FBXL7: variants seen among roughly 807,000 people sequenced by gnomAD.
FBXL7 encodes the protein F-box/LRR-repeat protein 7.
A neutral mutation model predicts 38.3 loss-of-function variants in FBXL7; 12 were observed. The observed-to-expected ratio is 0.31, with a 90% CI of 0.20 to 0.51. FBXL7 has a LOEUF of 0.51. Among genes scored for constraint, FBXL7 ranks in the 20% least tolerant of loss-of-function variants. The pLI, the probability that FBXL7 is intolerant of heterozygous loss-of-function variation, is 0.98. For synonymous variants in FBXL7, 297 were observed against 300.9 expected (o/e 0.99, Z 0.13); for missense variants, 567 against 676.4 (o/e 0.84, Z 1.79).
chr5:15,576,888 G>A (rs1401343261), intron 1 of FBXL7, among the ~76,000 whole-genome samples: 1 of 152,142 alleles, frequency 6.6e-6, no homozygotes, highest in Non-Finnish European at 1.5e-5. Flanking sequence ...TTTTGTAGCT[G>A]CTCTAAGAGA....
At chr5:15,876,402 TA>T (rs1010750697) in intron 2 of FBXL7, among the ~76,000 whole-genome samples, 315 of 147,754 alleles carry the variant, frequency 2.1e-3, no homozygotes, top group African/African-American at 5.6e-3. Flanking sequence ...GTATAATAAT[TA>T]AAAAAAAAAG....
chr5:15,547,324 C>A (rs1737941023), intron 1 of FBXL7, among the ~76,000 whole-genome samples: 1 of 152,200 alleles, frequency 6.6e-6, no homozygotes, highest in African/African-American at 2.4e-5. Flanking sequence ...TCTTAGCAGA[C>A]AACTGAGCTG....
At chr5:15,775,496 C>T (rs140010538) in intron 2 of FBXL7, among the ~76,000 whole-genome samples, 2 of 152,126 alleles carry the variant, frequency 1.3e-5, no homozygotes, top group East Asian at 1.9e-4. Flanking sequence ...GAAACACAGA[C>T]CATACTTTTG....
chr5:15,778,830 G>A (rs374650927), intron 2 of FBXL7, among the ~76,000 whole-genome samples: 48 of 152,172 alleles, frequency 3.2e-4, no homozygotes, highest in African/African-American at 1.1e-3. Context: ...ACATTAGCTG[G>A]AAATAAAAAA....
chr5:15,847,748 A>T (rs1472777804), intron 2 of FBXL7, among the ~76,000 whole-genome samples: 1 of 152,188 alleles, frequency 6.6e-6, no homozygotes, highest in Non-Finnish European at 1.5e-5. Flanking sequence ...AGCCCTCAGA[A>T]GAGAGACTAG....
At chr5:15,734,609 T>A (rs1056325374) in intron 2 of FBXL7, among the ~76,000 whole-genome samples, 2 of 152,232 alleles carry the variant, frequency 1.3e-5, no homozygotes, top group African/African-American at 4.8e-5. Flanking sequence ...TCTTCCATCC[T>A]TCCTTCCTTT....
chr5:15,513,059 G>A (rs1736844332), intron 1 of FBXL7, among the ~76,000 whole-genome samples: 1 of 152,094 alleles, frequency 6.6e-6, no homozygotes. Flanking sequence ...AAAATATTGT[G>A]TGTATCTGGT....
At chr5:15,731,814 G>T (rs1185993151) in intron 2 of FBXL7, among the ~76,000 whole-genome samples, 1 of 152,128 alleles carries the variant, frequency 6.6e-6, no homozygotes, top group Non-Finnish European at 1.5e-5. Flanking sequence ...GGTAGAGGAG[G>T]CTGTGTTCGG....
At chr5:15,575,453 T>C (rs1356818536) in intron 1 of FBXL7, among the ~76,000 whole-genome samples, 1 of 152,234 alleles carries the variant, frequency 6.6e-6, no homozygotes, top group Non-Finnish European at 1.5e-5. Flanking sequence ...TTTTTGGTTA[T>C]AATAGCTTTC....
chr5:15,756,103 C>G (rs1023292169), intron 2 of FBXL7, among the ~76,000 whole-genome samples: 21 of 152,274 alleles, frequency 1.4e-4, no homozygotes, highest in Non-Finnish European at 2.5e-4. Context: ...TAGGATTAGC[C>G]TGAAAGCAGT....
Position 15,921,252 on chromosome 5 carries a change from G to A in FBXL7, c.128-6638G>A, listed in dbSNP as rs372746484. 1.1e-4 allele frequency among the ~76,000 whole-genome samples: 16 copies of A among 151,956 alleles called. No individual in the cohort carries two copies. The East Asian group carries it at 2.5e-3, about 24-fold the overall frequency. ...AAAGATTAGCCAGGTGTGGTGGTGTGCGCCTGTAGTCCCGGCTGCTCAGGA... is the reference window on the plus strand; with the variant it reads ...AAAGATTAGCCAGGTGTGGTGGTGTACGCCTGTAGTCCCGGCTGCTCAGGA... On this transcript the variant is annotated intron_variant, in intron 2 of 3. Coordinates refer to ENST00000504595, the MANE Select transcript of FBXL7 (RefSeq NM_012304.5).
At chr5:15,502,182 G>T (rs1238470263) in intron 1 of FBXL7, among the ~76,000 whole-genome samples, 1 of 152,042 alleles carries the variant, frequency 6.6e-6, no homozygotes, top group Non-Finnish European at 1.5e-5. Context: ...AACACTGTCG[G>T]GGGGAGAAAG....
chr5:15,892,031 C>T (rs545596841), intron 2 of FBXL7, among the ~76,000 whole-genome samples: 17 of 152,360 alleles, frequency 1.1e-4, no homozygotes, highest in African/African-American at 3.6e-4. Context: ...CTCCTGCTCA[C>T]CAGCCTCCTG....
At chr5:15,697,431 G>A (rs185732376) in intron 2 of FBXL7, among the ~76,000 whole-genome samples, 22 of 152,188 alleles carry the variant, frequency 1.4e-4, no homozygotes, top group African/African-American at 3.4e-4. Context: ...CAAAAATTAC[G>A]TTTAATTTTG....
intron 2 of FBXL7, among the ~76,000 whole-genome samples, chr5:15,875,695 C>A (rs895414423): frequency 1.3e-5 from 2 of 152,154 alleles, no homozygotes; most frequent in Non-Finnish European, 2.9e-5. Flanking sequence ...ATCAAAACCA[C>A]AATGAAATAC....
At chr5:15,690,777 C>T (rs1318284039) in intron 2 of FBXL7, among the ~76,000 whole-genome samples, 4 of 152,034 alleles carry the variant, frequency 2.6e-5, no homozygotes, top group African/African-American at 9.7e-5. Context: ...TGATGGTTAC[C>T]AGAGGCTGGG....
At chr5:15,777,745 AAGT>A (rs1305248551) in intron 2 of FBXL7, among the ~76,000 whole-genome samples, 6 of 148,030 alleles carry the variant, frequency 4.1e-5, no homozygotes, top group African/African-American at 4.9e-5. Context: ...AAAAAAAAAA[AAGT>A]AAATTCCAGT....
intron 1 of FBXL7, among the ~76,000 whole-genome samples, chr5:15,514,391 C>T (rs1374484254): frequency 6.6e-6 from 1 of 152,082 alleles, no homozygotes; most frequent in Admixed American, 6.6e-5. Context: ...TGATGCCCCT[C>T]CCCCATTAGG....
chr5:15,764,088 C>T (rs1392295863), intron 2 of FBXL7, among the ~76,000 whole-genome samples: 1 of 152,124 alleles, frequency 6.6e-6, no homozygotes, highest in Non-Finnish European at 1.5e-5. Context: ...CACAGACAGA[C>T]TCAAAAAAGC....
Sources: allele counts gnomAD v4.1 joint callset (sites outside exome capture counted in the v4.1 genomes callset), GRCh38; gene constraint gnomAD v4.1.1; transcripts MANE v1.5; gene names NCBI Gene and HGNC (gene_info 2026-07-23, HGNC 2026-07-21).